The following IL4R variants were observed in gnomAD, a reference collection of about 807,000 sequenced individuals.
The protein encoded by IL4R is interleukin 4 receptor, also known as interleukin-4 receptor subunit alpha.
Under a neutral mutation model 41.5 loss-of-function variants are expected in IL4R, and 17 were observed. The observed-to-expected ratio is 0.41, with a 90% CI of 0.28 to 0.61. IL4R has a LOEUF of 0.61. Among genes scored for constraint, IL4R ranks in the 20% least tolerant of loss-of-function variants. The pLI is 0.31. For missense variants in IL4R, 974 were observed against 1,043.1 expected, an observed-to-expected ratio of 0.93 and a Z score of 0.91; for synonymous variants, 402 against 422.9, an observed-to-expected ratio of 0.95 and a Z score of 0.61.
intron 2 of IL4R, among the ~76,000 whole-genome samples, chr16:27,338,239 C>CT (rs200924244): frequency 8.8e-5 from 13 of 147,782 alleles, no homozygotes; most frequent in East Asian, 2.0e-4. Context: ...CTTTTCTTTT[C>CT]TTTTTTTTTT....
In IL4R at chr16:27,344,895, A is replaced by G. The variant is rs1232391159; in HGVS notation, c.236A>G (p.Asn79Ser). ...GCCCACACGTGTATCCCTGAGAACA[A>G]CGGAGGCGCGGGGTGCGTGTGCCAC... ...SEAHTCIPEN[N>S]GGAGCVCHLL... is the part of the protein sequence containing the mutation. The change falls in exon 5 of 11, where the codon AAC becomes AGC. Residue 79 changes from asparagine to serine, a missense_variant. Coordinates refer to ENST00000395762, the MANE Select transcript of IL4R (RefSeq NM_000418.4). 5.0e-6 allele frequency: 8 copies of G among 1,614,072 alleles called. No individual in the cohort carries two copies. Among genetic ancestry groups the G allele is most frequent in the Middle Eastern group, 3.3e-4 (2 of 6,084 alleles).
At chr16:27,359,072 G>C (rs2086192516) in intron 9 of IL4R, 78 bp downstream of exon 9, 1 of 1,066,326 alleles carries the variant, frequency 9.4e-7, no homozygotes, top group South Asian at 1.3e-5. Flanking sequence ...GGCTGTTAAG[G>C]ACCTTCACTG....
Position 27,363,289 on chromosome 16 carries a change from C to T in IL4R, c.1937C>T (p.Ala646Val), listed in dbSNP as rs1246452059. ...DLIPGCPGDP[A>V]PVPVPLFTFG... ...ATTCCTGGCTGCCCTGGGGACCCTG[C>T]CCCAGTCCCTGTCCCCTTGTTCACC... The change falls in exon 11 of 11, where the codon GCC (alanine) becomes GTC (valine). Residue 646 changes from alanine (A) to valine (V), a missense_variant. Transcript: ENST00000395762. 6.2e-7 allele frequency: 1 copy of T among 1,605,726 alleles called. No individual in the cohort carries two copies. The highest frequency in any genetic ancestry group is 8.5e-7 in the Non-Finnish European group (1 of 1,175,140).
chr16:27,358,968 G>C lies in IL4R; in HGVS notation c.823G>C (p.Val275Leu), dbSNP rs115310233. Residue 275 changes from valine (V) to leucine (L), a missense_variant, in exon 9 of 11, where the codon GTG becomes CTG. Transcript: ENST00000395762. ...TCCCAACCCAGCCCGCAGCCGCCTCGTGGCTATAATAATCCAGGATGCTCA... is the reference window on the plus strand; with the variant it reads ...TCCCAACCCAGCCCGCAGCCGCCTCCTGGCTATAATAATCCAGGATGCTCA... ...QIPNPARSRL[V>L]AIIIQDAQGS... The C allele has an allele frequency of 1.9e-6, 3 of 1,613,800 alleles. No individual in the cohort carries two copies. The highest frequency in any genetic ancestry group is 4.5e-5 in the East Asian group (2 of 44,898).
intron 6 of IL4R, 21 bp downstream of exon 6, chr16:27,346,639 GT>G (rs1337649843): frequency 6.2e-6 from 10 of 1,612,866 alleles, no homozygotes; most frequent in Non-Finnish European, 5.9e-6. Context: ...ATGCTTTGAC[GT>G]TTTTCTGTGA....
At position 27,333,596 on chromosome 16, in the gene IL4R, G is replaced by A. The variant is rs570680188; in HGVS notation, c.-19+3398G>A. 1.6e-3 allele frequency among the ~76,000 whole-genome samples: 242 copies of A among 151,338 alleles called. 3 individuals carry two copies. Among genetic ancestry groups the A allele is most frequent in the Non-Finnish European group, 2.9e-3 (196 of 67,770 alleles). On this transcript the variant is annotated intron_variant, in intron 2 of 10. Coordinates refer to ENST00000395762, the MANE Select transcript of IL4R (RefSeq NM_000418.4). ...CCTTTCAGGATTCTTGTGTGGATTCGGTGAGGTAATACTTCTAAAGCACCT... is the reference window on the plus strand; with the variant it reads ...CCTTTCAGGATTCTTGTGTGGATTCAGTGAGGTAATACTTCTAAAGCACCT...
At chr16:27,332,777 ACTTT>A (rs1173410862) in intron 2 of IL4R, among the ~76,000 whole-genome samples, 1 of 151,564 alleles carries the variant, frequency 6.6e-6, no homozygotes, top group Admixed American at 6.6e-5. Flanking sequence ...TGATTTTAGA[ACTTT>A]CTTTCTAAGA....
intron 2 of IL4R, among the ~76,000 whole-genome samples, chr16:27,339,383 T>G (rs1195118314): frequency 6.6e-6 from 1 of 152,128 alleles, no homozygotes; most frequent in Non-Finnish European, 1.5e-5. Context: ...CTAAGCTGAC[T>G]TGTAACGTTA....
At chr16:27,321,817 T>C (rs2141060772) in intron 1 of IL4R, among the ~76,000 whole-genome samples, 1 of 152,360 alleles carries the variant, frequency 6.6e-6, no homozygotes, top group Middle Eastern at 3.4e-3. Context: ...TTAAGACTTA[T>C]TTAATTATAT....
rs766445270 is a variant in IL4R at position 27,363,677 on chromosome 16, G to A, written c.2325G>A (p.Leu775=). ...GTGGGGTTCCACTGGAGGCCAGTCT[G>A]TGTCCGGCCTCCCTGGCACCCTCGG... ...SPGGVPLEAS[L]CPASLAPSGI... The change falls in exon 11 of 11, where the codon CTG becomes CTA. Residue 775 remains leucine, a synonymous_variant. Transcript: ENST00000395762. 1 of 1,613,844 alleles carries A rather than the reference G, an allele frequency of 6.2e-7. No homozygotes were observed. Among genetic ancestry groups the A allele is most frequent in the South Asian group, 1.1e-5 (1 of 91,078 alleles).
intron 3 of IL4R, 100 bp from the exon 4 acceptor site, chr16:27,342,021 C>A: frequency 7.4e-7 from 1 of 1,359,966 alleles, no homozygotes; most frequent in Non-Finnish European, 1.0e-6. Flanking sequence ...ACTTTGCCTG[C>A]ACTGTGCTTT....
At chr16:27,337,959 CTTTTTTTTTTTTTTT>C (rs2085310562) in intron 2 of IL4R, among the ~76,000 whole-genome samples, 1 of 137,668 alleles carries the variant, frequency 7.3e-6, no homozygotes, top group African/African-American at 2.7e-5. Context: ...TTTTCTTTTC[CTTTTTTTTTTTTTTT>C]GAGACAGAGT....
Position 27,345,619 on chromosome 16 carries a change from G to A in IL4R, c.361+599G>A. 5.5e-6 allele frequency: 1 copy of A among 180,858 alleles called. No individual in the cohort carries two copies. The highest frequency in any genetic ancestry group is 1.2e-5 in the Non-Finnish European group (1 of 84,204). The allele number at this position is 180,858 out of a possible 1,614,324, so 11.2% of individuals were successfully genotyped here. A position where few individuals can be genotyped will look rare whatever the true frequency, so the allele number is the denominator to read the frequency against. On this transcript the variant is annotated intron_variant, in intron 5 of 10. Coordinates refer to ENST00000395762, the MANE Select transcript of IL4R (RefSeq NM_000418.4). This position sits in a 1 kb window ranked among gnomAD's most constrained non-coding sequence, Gnocchi z 4.5. The stretch of plus-strand genomic sequence containing the variant: ...GAATCAAAATAAAGAAAAATACTCA[G>A]TAAATCATCATAAAGTACAGAGATG...
chr16:27,336,380 G>A (rs904661101), intron 2 of IL4R, among the ~76,000 whole-genome samples: 7 of 152,068 alleles, frequency 4.6e-5, no homozygotes, highest in East Asian at 3.9e-4. Context: ...GGAAAAGCAC[G>A]CGTAAGGGAG....
intron 1 of IL4R, among the ~76,000 whole-genome samples, chr16:27,317,678 C>T (rs188433693): frequency 3.9e-5 from 6 of 152,242 alleles, no homozygotes; most frequent in Admixed American, 2.6e-4. Flanking sequence ...AGAGAAGGGC[C>T]TGAGCTTGAA....
intron 2 of IL4R, among the ~76,000 whole-genome samples, chr16:27,332,313 A>G (rs1200137932): frequency 2.6e-5 from 4 of 152,064 alleles, no homozygotes; most frequent in East Asian, 1.9e-4. Context: ...CCTTTTTCAC[A>G]TGACGTCAGG....
At chr16:27,355,018 A>G (rs1000241316) in intron 7 of IL4R, 5 of 468,136 alleles carry the variant, frequency 1.1e-5, no homozygotes, top group Non-Finnish European at 1.8e-5. Context: ...TCATTATTTC[A>G]GCAAATATTT....
At chr16:27,322,696 T>C (rs1236349737) in intron 1 of IL4R, among the ~76,000 whole-genome samples, 1 of 152,008 alleles carries the variant, frequency 6.6e-6, no homozygotes, top group Non-Finnish European at 1.5e-5. Context: ...GGTGACAGAG[T>C]GAGACATTCT....
rs1178735801 is a variant in IL4R, at chr16:27,363,546, G to A, written c.2194G>A (p.Asp732Asn). The change falls in exon 11 of 11, where the codon GAT becomes AAT. Residue 732 changes from aspartate to asparagine, a missense_variant. Physicochemically the swap from Asp to Asn is conservative, Grantham distance 23. Around this residue, in one of 3 missense-constraint regions of IL4R, gnomAD observed 682 missense variants for 704.3 expected, o/e 0.97. Coordinates refer to ENST00000395762, the MANE Select transcript of IL4R (RefSeq NM_000418.4). Reference protein sequence around the residue: ...GHLKQCHGQEDGGQTPVMASP... With the variant: ...GHLKQCHGQENGGQTPVMASP... ...CCTGAAACAGTGTCATGGCCAGGAGGATGGTGGCCAGACCCCTGTCATGGC... is the reference window on the plus strand; with the variant it reads ...CCTGAAACAGTGTCATGGCCAGGAGAATGGTGGCCAGACCCCTGTCATGGC... 5 of 1,614,048 alleles carry A rather than the reference G, an allele frequency of 3.1e-6. No individual in the cohort carries two copies. The Admixed American group carries it at 5.0e-5, about 16-fold the overall frequency.
Sources: allele counts gnomAD v4.1 joint callset (sites outside exome capture counted in the v4.1 genomes callset), GRCh38; gene constraint gnomAD v4.1.1; regional missense constraint gnomAD v4.1.1; non-coding constraint Gnocchi (gnomAD v3.1); transcripts MANE v1.5; gene names NCBI Gene and HGNC (gene_info 2026-07-23, HGNC 2026-07-21).